The following ZNF12 variants were observed in gnomAD, a reference collection of about 807,000 sequenced individuals.
ZNF12 encodes gonadotropin inducible transcription repressor 3.
Under a neutral mutation model 66.6 loss-of-function variants are expected in ZNF12, and 34 were observed. That is an observed-to-expected ratio of 0.51 (90% CI 0.39 to 0.68). The LOEUF is 0.68. ZNF12 is among the 30% of genes least tolerant of loss of function. The pLI is 0.00. For synonymous variants in ZNF12, 320 were observed against 278.9 expected, an observed-to-expected ratio of 1.15 and a Z score of -1.47; for missense variants, 697 against 826.9, an observed-to-expected ratio of 0.84 and a Z score of 1.93.
Position 6,691,146 on chromosome 7 carries a change from T to A in ZNF12, c.1796A>T (p.His599Leu), listed in dbSNP as rs1780061081. Reference protein sequence around the residue: ...NSALNRHQRTHTGEKAYECYE... With the variant: ...NSALNRHQRTLTGEKAYECYE... Reference sequence around the variant, plus strand: ...ACATTCGTAGGCTTTCTCTCCTGTGTGTGTTCTCTGATGTCGATTAAGGGC... The same window carrying A: ...ACATTCGTAGGCTTTCTCTCCTGTGAGTGTTCTCTGATGTCGATTAAGGGC... The change falls in exon 5 of 5, where the codon CAC (histidine) becomes CTC (leucine). Residue 599 changes from histidine to leucine, a missense_variant. This residue lies in a region of ZNF12 where 401 missense variants were observed against 519.0 expected (regional missense o/e 0.77). Coordinates refer to ENST00000405858, the MANE Select transcript of ZNF12 (RefSeq NM_016265.4). 3.1e-6 allele frequency: 5 copies of A among 1,614,140 alleles called. No homozygotes were observed. The highest frequency in any genetic ancestry group is 3.4e-6 in the Non-Finnish European group (4 of 1,180,004).
chr7:6,695,489 GCCA>G (rs984374730), intron 4 of ZNF12, among the ~76,000 whole-genome samples: 3 of 151,964 alleles, frequency 2.0e-5, no homozygotes, highest in East Asian at 3.9e-4. Context: ...ACAGGTGTGA[GCCA>G]CCACATTTGG....
intron 2 of ZNF12, among the ~76,000 whole-genome samples, chr7:6,703,121 T>C (rs1780284426): frequency 6.6e-6 from 1 of 152,082 alleles, no homozygotes; most frequent in Non-Finnish European, 1.5e-5. Context: ...GCCCAAATTT[T>C]AAACATCTGA....
chr7:6,706,939 G>C lies in ZNF12; in HGVS notation c.-558C>G. ...GGTGACCTGGGGACGCACAGGAAGC[G>C]AGGGCACTGCGGCCGCGGCGCGCAT... On this transcript the variant is annotated 5_prime_UTR_variant, in exon 1 of 5. Coordinates refer to ENST00000405858, the MANE Select transcript of ZNF12 (RefSeq NM_016265.4). 2.5e-6 allele frequency: 1 copy of C among 407,054 alleles called. No homozygotes were observed. The highest frequency in any genetic ancestry group is 1.6e-5 in the South Asian group (1 of 60,796). The allele number at this position is 407,054 out of a possible 1,614,324, so 25.2% of individuals were successfully genotyped here.
Position 6,698,103 on chromosome 7 carries a change from G to A in ZNF12, c.16-292C>T. On this transcript the variant is annotated intron_variant, in intron 2 of 4. Transcript: ENST00000405858. The surrounding 1 kb of genome is among the most constrained non-coding windows in gnomAD (Gnocchi z 4.4). Reference sequence around the variant, plus strand: ...AGCAGGGACGAATCTCACCCCTGAGGAGCACAGGCCTGGGGACACTCACAG... The same window carrying A: ...AGCAGGGACGAATCTCACCCCTGAGAAGCACAGGCCTGGGGACACTCACAG... 3.4e-6 allele frequency: 2 copies of A among 596,062 alleles called. No homozygotes were observed. The highest frequency in any genetic ancestry group is 1.5e-5 in the South Asian group (1 of 68,616). 36.9% of individuals were successfully genotyped at this position (596,062 alleles called of 1,614,324 possible). A position where few individuals can be genotyped will look rare whatever the true frequency, so the allele number is the denominator to read the frequency against.
Position 6,697,474 on chromosome 7 carries a change from G to A in ZNF12, c.143-40C>T. 6.3e-7 allele frequency: 1 copy of A among 1,586,338 alleles called. No individual in the cohort carries two copies. The highest frequency in any genetic ancestry group is 8.6e-7 in the Non-Finnish European group (1 of 1,161,644). On this transcript the variant is annotated intron_variant, in intron 3 of 4. Transcript: ENST00000405858. This position sits in a 1 kb window ranked among gnomAD's most constrained non-coding sequence, Gnocchi z 6.1. Reference sequence around the variant, plus strand: ...TGAAAGAGAACTTGAGCCCAGGCCGGTTGGCTTCAGGGTCTCTGTCATACA... The same window carrying A: ...TGAAAGAGAACTTGAGCCCAGGCCGATTGGCTTCAGGGTCTCTGTCATACA...
Position 6,706,689 on chromosome 7 carries a change from G to A in ZNF12, c.-308C>T, listed in dbSNP as rs1247168273. 1 of 274,984 alleles carries A rather than the reference G, an allele frequency of 3.6e-6. No homozygotes were observed. Among genetic ancestry groups the A allele is most frequent in the African/African-American group, 2.4e-5 (1 of 42,018 alleles). The allele number at this position is 274,984 out of a possible 1,614,324, so 17.0% of individuals were successfully genotyped here. A position where few individuals can be genotyped will look rare whatever the true frequency, so the allele number is the denominator to read the frequency against. On this transcript the variant is annotated 5_prime_UTR_variant, in exon 1 of 5. Transcript: ENST00000405858. Reference sequence around the variant, plus strand: ...CGAGGACGCACACGGGCCGGGCCCGGGTCCCGCCGCCCCTTCGCCTCCGCC... The same window carrying A: ...CGAGGACGCACACGGGCCGGGCCCGAGTCCCGCCGCCCCTTCGCCTCCGCC...
chr7:6,703,481 A>G (rs555464263), intron 2 of ZNF12, among the ~76,000 whole-genome samples: 2 of 152,338 alleles, frequency 1.3e-5, no homozygotes, highest in South Asian at 4.1e-4. Flanking sequence ...AAAATGGACA[A>G]CTTTAGAAAG....
chr7:6,706,247 T>G (rs1780354772), intron 1 of ZNF12, among the ~76,000 whole-genome samples, 185 bp downstream of exon 1: 1 of 152,178 alleles, frequency 6.6e-6, no homozygotes, highest in Admixed American at 6.5e-5. Context: ...CGTCCGCAGC[T>G]GAGGCTGGTG....
At position 6,697,404 on chromosome 7, in the gene ZNF12, C is replaced by T. The variant is rs2115351025; in HGVS notation, c.173G>A (p.Ser58Asn). 1 of 1,612,590 alleles carries T rather than the reference C, an allele frequency of 6.2e-7. No individual in the cohort carries two copies. The highest frequency in any genetic ancestry group is 1.1e-5 in the South Asian group (1 of 90,706). The change falls in exon 4 of 5, where the codon AGC (serine) becomes AAC (asparagine). Residue 58 changes from serine to asparagine, a missense_variant. Ser to Asn is a conservative substitution (Grantham distance 46, BLOSUM62 1). Transcript: ENST00000405858. This position sits in a 1 kb window ranked among gnomAD's most constrained non-coding sequence, Gnocchi z 6.1. Reference protein sequence around the residue: ...GYHIIKPDVISKLEQGEEPWI... With the variant: ...GYHIIKPDVINKLEQGEEPWI... Reference sequence around the variant, plus strand: ...TGGCTCTTCTCCTTGCTCCAACTTGCTGATAACATCCGGTTTGATAATGTG... The same window carrying T: ...TGGCTCTTCTCCTTGCTCCAACTTGTTGATAACATCCGGTTTGATAATGTG...
At chr7:6,695,706 A>G (rs980699597) in intron 4 of ZNF12, among the ~76,000 whole-genome samples, 1 of 152,250 alleles carries the variant, frequency 6.6e-6, no homozygotes, top group Non-Finnish European at 1.5e-5. Context: ...CAAAATATAG[A>G]CACTATCGAA....
rs757060310 is a variant in ZNF12 at position 6,706,917 on chromosome 7, G to A, written c.-536C>T. 286 of 413,612 alleles carry A rather than the reference G, an allele frequency of 6.9e-4. 2 individuals carry two copies. The Middle Eastern group carries it at 0.024, about 35-fold the overall frequency. The allele number at this position is 413,612 out of a possible 1,614,324, so 25.6% of individuals were successfully genotyped here. On this transcript the variant is annotated 5_prime_UTR_variant, in exon 1 of 5. Coordinates refer to ENST00000405858, the MANE Select transcript of ZNF12 (RefSeq NM_016265.4). The stretch of plus-strand genomic sequence containing the variant: ...AAGCCTGGGAACTAGGGCGAGCGGT[G>A]ACCTGGGGACGCACAGGAAGCGAGG...
chr7:6,700,347 A>G (rs992132412), intron 2 of ZNF12, among the ~76,000 whole-genome samples: 1 of 151,822 alleles, frequency 6.6e-6, no homozygotes, highest in African/African-American at 2.4e-5. Flanking sequence ...ATATATATAC[A>G]TATGTGCCAG....
rs1435640723 is a variant in ZNF12 at position 6,691,351 on chromosome 7, A to G, written c.1591T>C (p.Tyr531His). 6.2e-7 allele frequency: 1 copy of G among 1,613,986 alleles called. No individual in the cohort carries two copies. Among genetic ancestry groups the G allele is most frequent in the Non-Finnish European group, 8.5e-7 (1 of 1,179,898 alleles). The change falls in exon 5 of 5, where the codon TAC (tyrosine) becomes CAC (histidine). Residue 531 changes from tyrosine to histidine, a missense_variant. Tyr to His is a moderately conservative substitution (Grantham distance 83). Coordinates refer to ENST00000405858, the MANE Select transcript of ZNF12 (RefSeq NM_016265.4). ...YECSECGKTF[Y>H]QNSALCRHRR... ...TGTCTACAAAGGGCTGAGTTCTGGTAGAAGGTTTTCCCACATTCACTACAT... is the reference window on the plus strand; with the variant it reads ...TGTCTACAAAGGGCTGAGTTCTGGTGGAAGGTTTTCCCACATTCACTACAT...
In ZNF12 at chr7:6,697,604, C is replaced by A; in HGVS notation, c.142+81G>T. 1 of 1,592,072 alleles carries A rather than the reference C, an allele frequency of 6.3e-7. No homozygotes were observed. The highest frequency in any genetic ancestry group is 8.6e-7 in the Non-Finnish European group (1 of 1,165,782). The stretch of plus-strand genomic sequence containing the variant: ...CAAAAACAGATTACTCACATTCGTC[C>A]CATCAAATTTTAAGTTAAAGTCATA... On this transcript the variant is annotated intron_variant, in intron 3 of 4. Coordinates refer to ENST00000405858, the MANE Select transcript of ZNF12 (RefSeq NM_016265.4). This position sits in a 1 kb window ranked among gnomAD's most constrained non-coding sequence, Gnocchi z 6.1.
Position 6,692,270 on chromosome 7 carries a change from T to C in ZNF12, c.672A>G (p.Lys224=). 1.2e-6 allele frequency: 2 copies of C among 1,613,408 alleles called. No individual in the cohort carries two copies. The highest frequency in any genetic ancestry group is 1.7e-6 in the Non-Finnish European group (2 of 1,179,720). The change falls in exon 5 of 5, where the codon AAA becomes AAG. Residue 224 remains lysine (K), a synonymous_variant. Coordinates refer to ENST00000405858, the MANE Select transcript of ZNF12 (RefSeq NM_016265.4). This position sits in a 1 kb window ranked among gnomAD's most constrained non-coding sequence, Gnocchi z 5.1. ...CAAAAACAGTGTCCTTTTGGAAGGC[T>C]TTCTGGCATTCAATATATTCAAAAG... ...EKPFEYIECQ[K]AFQKDTVFVN...
chr7:6,694,120 T>C (rs1162868463), intron 4 of ZNF12, among the ~76,000 whole-genome samples: 1 of 145,136 alleles, frequency 6.9e-6, no homozygotes, highest in East Asian at 1.9e-4. Flanking sequence ...TGAGCCGAGA[T>C]TGTGTCACTG....
chr7:6,700,304 TACACACACAC>T (rs71539972), intron 2 of ZNF12, among the ~76,000 whole-genome samples: 48 of 129,060 alleles, frequency 3.7e-4, no homozygotes, highest in Non-Finnish European at 3.5e-4. Flanking sequence ...AAAAAAAATA[TACACACACAC>T]ACACACACAC....
At position 6,692,574 on chromosome 7, in the gene ZNF12, A is replaced by C; in HGVS notation, c.368T>G (p.Val123Gly). Residue 123 changes from valine (V) to glycine (G), a missense_variant, in exon 5 of 5, where the codon GTA becomes GGA. This residue lies in a region of ZNF12 where 241 missense variants were observed against 224.0 expected (regional missense o/e 1.08). Coordinates refer to ENST00000405858, the MANE Select transcript of ZNF12 (RefSeq NM_016265.4). The surrounding 1 kb of genome is among the most constrained non-coding windows in gnomAD (Gnocchi z 5.1). ...TCTTGAAGGAACAGGGTTCGTTTCT[A>C]CATCAAAAGTTTTACCAGGAACATT... Reference protein sequence around the residue: ...RGNVPGKTFDVETNPVPSRKI... With the variant: ...RGNVPGKTFDGETNPVPSRKI... 6.2e-7 allele frequency: 1 copy of C among 1,613,916 alleles called. No homozygotes were observed. Among genetic ancestry groups the C allele is most frequent in the Non-Finnish European group, 8.5e-7 (1 of 1,179,844 alleles).
chr7:6,700,322 C>T (rs1323715691), intron 2 of ZNF12, among the ~76,000 whole-genome samples: 3 of 147,522 alleles, frequency 2.0e-5, no homozygotes, highest in African/African-American at 7.8e-5. Context: ...CACACACACA[C>T]ACACACACAC....
Sources: allele counts gnomAD v4.1 joint callset (sites outside exome capture counted in the v4.1 genomes callset), GRCh38; gene constraint gnomAD v4.1.1; regional missense constraint gnomAD v4.1.1; non-coding constraint Gnocchi (gnomAD v3.1); transcripts MANE v1.5; gene names NCBI Gene and HGNC (gene_info 2026-07-23, HGNC 2026-07-21).